STIM1: variants seen among roughly 807,000 people sequenced by gnomAD.
The protein encoded by STIM1 is stromal interaction molecule 1.
STIM1 carries 25 observed loss-of-function variants against 74.7 expected under a neutral mutation model. That is an observed-to-expected ratio of 0.33 (90% confidence interval 0.24 to 0.47). The LOEUF is 0.47. STIM1 is among the 20% of genes least tolerant of loss of function. The probability of loss-of-function intolerance (pLI) is 1.00; values close to 1 mark genes in which losing one functional copy is unlikely to be tolerated. For synonymous variants in STIM1, 328 were observed against 348.8 expected, an observed-to-expected ratio of 0.94 and a Z score of 0.66; for missense variants, 728 against 920.8, an observed-to-expected ratio of 0.79 and a Z score of 2.71.
At chr11:4,014,889 T>C (rs1246821716) in intron 2 of STIM1, among the ~76,000 whole-genome samples, 1 of 152,226 alleles carries the variant, frequency 6.6e-6, no homozygotes, top group Non-Finnish European at 1.5e-5. Context: ...TTTTTATTGC[T>C]TTCCATTAGC....
intron 1 of STIM1, among the ~76,000 whole-genome samples, chr11:3,949,104 C>T (rs375689260): frequency 6.6e-6 from 1 of 152,060 alleles, no homozygotes; most frequent in Non-Finnish European, 1.5e-5. Flanking sequence ...GTAATTGGTC[C>T]AAATTGTGAT....
At position 4,091,396 on chromosome 11, in the gene STIM1, T is replaced by A; in HGVS notation, c.1749T>A (p.Thr583=). 1 of 1,614,160 alleles carries A rather than the reference T, an allele frequency of 6.2e-7. No individual in the cohort carries two copies. Among genetic ancestry groups the A allele is most frequent in the African/African-American group, 1.3e-5 (1 of 75,048 alleles). ...CAGACGAGGCTCTCAATGCCATGAC[T>A]TCCAATGGCAGCCACCGGCTGATCG... The part of the protein sequence containing the change: ...RAADEALNAM[T]SNGSHRLIEG... The change falls in exon 13 of 13, where the codon ACT becomes ACA. Residue 583 remains threonine, a synonymous_variant. Transcript: ENST00000526596.
chr11:4,006,190 G>C (rs938286906), intron 2 of STIM1, among the ~76,000 whole-genome samples: 1 of 152,048 alleles, frequency 6.6e-6, no homozygotes, highest in Non-Finnish European at 1.5e-5. Context: ...CATGAGATCT[G>C]GTCATTTAGA....
intron 2 of STIM1, among the ~76,000 whole-genome samples, chr11:4,003,652 G>A (rs998366413): frequency 2.6e-5 from 4 of 152,052 alleles, no homozygotes; most frequent in African/African-American, 7.3e-5. Context: ...GGCAAAAACT[G>A]GAAGCATTCC....
At chr11:3,886,064 G>T (rs2091693888) in intron 1 of STIM1, among the ~76,000 whole-genome samples, 1 of 152,216 alleles carries the variant, frequency 6.6e-6, no homozygotes. Flanking sequence ...TTAAGGATTG[G>T]CATGGGTGAG....
At chr11:4,082,763 T>C (rs1170955170) in intron 8 of STIM1, 119 bp from the exon 9 acceptor site, 6 of 799,060 alleles carry the variant, frequency 7.5e-6, no homozygotes, top group Non-Finnish European at 1.3e-5. Flanking sequence ...CTCTTCCCTT[T>C]CCTTGTACAG....
chr11:3,947,630 GCT>G (rs2093094749), intron 1 of STIM1: 1 of 152,216 alleles, frequency 6.6e-6, no homozygotes, highest in Non-Finnish European at 1.5e-5. Context: ...AAGCCAAACA[GCT>G]CTCCCAGGCT....
intron 2 of STIM1, among the ~76,000 whole-genome samples, chr11:3,982,965 T>C (rs893192921): frequency 6.6e-6 from 1 of 152,132 alleles, no homozygotes; most frequent in African/African-American, 2.4e-5. Flanking sequence ...AGGGTCTTGC[T>C]CTGTCACCCA....
chr11:3,942,211 C>A (rs1477546822), intron 1 of STIM1, among the ~76,000 whole-genome samples: 1 of 152,078 alleles, frequency 6.6e-6, no homozygotes, highest in Non-Finnish European at 1.5e-5. Flanking sequence ...GAGTTAGTAG[C>A]CAAACCAGGA....
intron 2 of STIM1, among the ~76,000 whole-genome samples, chr11:3,994,666 T>A (rs1206442808): frequency 6.6e-6 from 1 of 151,912 alleles, no homozygotes; most frequent in Non-Finnish European, 1.5e-5. Flanking sequence ...CGCCATGTTG[T>A]CCAGGCTGGT....
At chr11:3,859,015 A>G (rs576170920) in intron 1 of STIM1, among the ~76,000 whole-genome samples, 2 of 152,290 alleles carry the variant, frequency 1.3e-5, no homozygotes, top group African/African-American at 4.8e-5. Context: ...CCTTCTGACA[A>G]TTAGGCAGGC....
At chr11:3,939,418 G>C (rs964165844) in intron 1 of STIM1, among the ~76,000 whole-genome samples, 2 of 152,156 alleles carry the variant, frequency 1.3e-5, no homozygotes, top group African/African-American at 4.8e-5. Flanking sequence ...GGTTACCACT[G>C]ATCTCATTTC....
chr11:3,990,104 T>G (rs1251895259), intron 2 of STIM1, among the ~76,000 whole-genome samples: 1 of 152,246 alleles, frequency 6.6e-6, no homozygotes, highest in Non-Finnish European at 1.5e-5. Context: ...CTTTCTGTAG[T>G]TTTGCCTATT....
intron 2 of STIM1, among the ~76,000 whole-genome samples, chr11:4,008,861 TC>T (rs1278142672): frequency 6.6e-6 from 1 of 152,210 alleles, no homozygotes; most frequent in Non-Finnish European, 1.5e-5. Flanking sequence ...GATTTTTTTT[TC>T]ATTGACGTTA....
intron 1 of STIM1, among the ~76,000 whole-genome samples, chr11:3,944,093 T>C (rs1311631657): frequency 6.6e-6 from 1 of 152,236 alleles, no homozygotes; most frequent in Non-Finnish European, 1.5e-5. Context: ...TAATGATGGA[T>C]TTTTAGCACA....
At chr11:3,895,684 TTC>T (rs1491289109) in intron 1 of STIM1, among the ~76,000 whole-genome samples, 4 of 32,254 alleles carry the variant, frequency 1.2e-4, no homozygotes, top group African/African-American at 5.3e-4. Flanking sequence ...CCTTCCTTCC[TTC>T]TTTCTTTCTT....
At chr11:3,895,606 C>T (rs1363529309) in intron 1 of STIM1, among the ~76,000 whole-genome samples, 1 of 66,450 alleles carries the variant, frequency 1.5e-5, no homozygotes, top group African/African-American at 6.2e-5. Context: ...CTTTCTTTCT[C>T]TCTCTTTCTT....
chr11:4,000,255 C>G (rs4910594), intron 2 of STIM1, among the ~76,000 whole-genome samples: 54,167 of 76,952 alleles, frequency 0.7, 21,778 homozygotes, highest in East Asian at 0.88. Context: ...CATGCAGCTG[C>G]AGATCTGAGA....
chr11:3,867,242 C>T (rs2090894422), intron 1 of STIM1: 4 of 152,186 alleles, frequency 2.6e-5, no homozygotes, highest in South Asian at 2.1e-4. Flanking sequence ...TGCTCAGTGA[C>T]AGTTATCAGT....
Sources: gnomAD v4.1 joint callset for allele counts (sites outside exome capture counted in the v4.1 genomes callset) on GRCh38, gnomAD v4.1.1 for gene constraint, MANE v1.5 for transcripts, NCBI Gene and HGNC (gene_info 2026-07-23, HGNC 2026-07-21) for gene names.